SHC3: variants seen among roughly 807,000 people sequenced by gnomAD.
SHC3 encodes the protein SHC-transforming protein 3.
A neutral mutation model predicts 60.4 loss-of-function variants in SHC3; 15 were observed. That is an observed-to-expected ratio of 0.25 (90% CI 0.17 to 0.38). SHC3 has a LOEUF of 0.38. Ranked by LOEUF, SHC3 falls within the 10% of genes least tolerant of loss-of-function variation. The pLI is 1.00. For missense variants in SHC3, 677 were observed against 786.1 expected (o/e 0.86, Z 1.66); for synonymous variants, 294 against 325.9 (o/e 0.90, Z 1.05).
At chr9:89,026,471 A>G (rs1187847407) in intron 11 of SHC3, among the ~76,000 whole-genome samples, 1 of 152,124 alleles carries the variant, frequency 6.6e-6, no homozygotes, top group African/African-American at 2.4e-5. Flanking sequence ...CCTACAACCT[A>G]GAAGCCCCCT....
chr9:89,134,516 G>T (rs1332518772), intron 1 of SHC3, among the ~76,000 whole-genome samples: 1 of 152,050 alleles, frequency 6.6e-6, no homozygotes, highest in Non-Finnish European at 1.5e-5. Flanking sequence ...CCTTACAGTT[G>T]AACTGATTAA....
chr9:89,065,728 A>G (rs1825168339), intron 5 of SHC3, 148 bp from the exon 6 acceptor site: 8 of 786,890 alleles, frequency 1.0e-5, no homozygotes, highest in South Asian at 4.9e-5. Flanking sequence ...CAGCCCCCAG[A>G]AGATTCAAGC....
intron 11 of SHC3, among the ~76,000 whole-genome samples, chr9:89,033,338 C>A (rs979855035): frequency 6.6e-6 from 1 of 151,918 alleles, no homozygotes; most frequent in Non-Finnish European, 1.5e-5. Context: ...TAGATTTTAG[C>A]TTTTTGTTTT....
chr9:89,021,586 G>A (rs1229720551), intron 11 of SHC3, among the ~76,000 whole-genome samples: 1 of 152,212 alleles, frequency 6.6e-6, no homozygotes, highest in Non-Finnish European at 1.5e-5. Flanking sequence ...GCAGGAAAGT[G>A]AGCAGTGGCT....
At chr9:89,037,604 C>A (rs1303907911) in intron 11 of SHC3, 9 of 695,926 alleles carry the variant, frequency 1.3e-5, no homozygotes, top group Non-Finnish European at 2.4e-5. Flanking sequence ...AGAACAAAAT[C>A]CTCAGTGATT....
At chr9:89,015,900 G>C (rs921592015) in intron 11 of SHC3, among the ~76,000 whole-genome samples, 1 of 152,176 alleles carries the variant, frequency 6.6e-6, no homozygotes, top group African/African-American at 2.4e-5. Context: ...GCATATACTA[G>C]AAATTAAGAA....
At chr9:89,039,147 G>T (rs976137535) in intron 10 of SHC3, among the ~76,000 whole-genome samples, 1 of 152,182 alleles carries the variant, frequency 6.6e-6, no homozygotes, top group Non-Finnish European at 1.5e-5. Flanking sequence ...TTCAGACTAC[G>T]CTGTCTACCC....
chr9:89,086,461 G>C (rs977925710), intron 2 of SHC3, among the ~76,000 whole-genome samples: 7 of 152,366 alleles, frequency 4.6e-5, no homozygotes, highest in Non-Finnish European at 1.0e-4. Flanking sequence ...TAATGCATAG[G>C]ATGAAGTATG....
At chr9:89,026,143 G>T (rs1826294719) in intron 11 of SHC3, among the ~76,000 whole-genome samples, 1 of 151,424 alleles carries the variant, frequency 6.6e-6, no homozygotes, top group Admixed American at 6.6e-5. Flanking sequence ...TAATCCAGCT[G>T]CTCAGGAGGC....
chr9:89,111,736 C>A (rs1473402225), intron 2 of SHC3, among the ~76,000 whole-genome samples: 1 of 152,186 alleles, frequency 6.6e-6, no homozygotes, highest in Non-Finnish European at 1.5e-5. Flanking sequence ...AATCTTTAGA[C>A]TTGGTTTGCT....
At chr9:89,032,103 G>A (rs933624148) in intron 11 of SHC3, among the ~76,000 whole-genome samples, 12 of 152,296 alleles carry the variant, frequency 7.9e-5, no homozygotes, top group Non-Finnish European at 1.3e-4. Flanking sequence ...CAACACACAC[G>A]TGACTTGGCA....
intron 2 of SHC3, among the ~76,000 whole-genome samples, chr9:89,102,013 T>C (rs1825790531): frequency 6.6e-6 from 1 of 152,176 alleles, no homozygotes; most frequent in Non-Finnish European, 1.5e-5. Context: ...TACAGGCCTA[T>C]TCAGATTATC....
chr9:89,077,981 C>T (rs986086846), intron 2 of SHC3, 78 bp from the exon 3 acceptor site: 2 of 1,512,688 alleles, frequency 1.3e-6, no homozygotes, highest in African/African-American at 1.4e-5. Flanking sequence ...ACTTGCACAT[C>T]CAAAGAAAAT....
intron 1 of SHC3, among the ~76,000 whole-genome samples, chr9:89,174,912 G>A (rs1016064365): frequency 1.8e-4 from 28 of 152,330 alleles, no homozygotes; most frequent in Middle Eastern, 3.4e-3. Flanking sequence ...GGACAGAGAA[G>A]GTGGAGGACC....
chr9:89,148,854 A>C (rs1302424482), intron 1 of SHC3, among the ~76,000 whole-genome samples: 1 of 152,238 alleles, frequency 6.6e-6, no homozygotes, highest in Middle Eastern at 3.2e-3. Context: ...TATGAAAGGC[A>C]TACGTCACTT....
chr9:89,053,835 C>T (rs1037233000), intron 6 of SHC3, among the ~76,000 whole-genome samples: 1 of 152,116 alleles, frequency 6.6e-6, no homozygotes, highest in African/African-American at 2.4e-5. Context: ...ACAAATGCAA[C>T]CATCTTTCCA....
intron 1 of SHC3, among the ~76,000 whole-genome samples, chr9:89,150,976 G>A (rs567706719): frequency 8.0e-5 from 12 of 150,168 alleles, no homozygotes; most frequent in Admixed American, 1.3e-4. Flanking sequence ...GAGTAAAGAT[G>A]TTGAGCATCT....
intron 11 of SHC3, among the ~76,000 whole-genome samples, chr9:89,027,327 A>ATTT (rs540788767): frequency 6.9e-5 from 9 of 130,350 alleles, no homozygotes; most frequent in South Asian, 4.7e-4. Context: ...TGAAATTCTG[A>ATTT]TTTTTTTTTT....
At chr9:89,054,355 C>T (rs1266385186) in intron 6 of SHC3, among the ~76,000 whole-genome samples, 2 of 152,210 alleles carry the variant, frequency 1.3e-5, no homozygotes, top group South Asian at 2.1e-4. Context: ...TGGCACCTGG[C>T]AGAGTCCTCA....
Sources: allele counts gnomAD v4.1 joint callset (sites outside exome capture counted in the v4.1 genomes callset), GRCh38; gene constraint gnomAD v4.1.1; transcripts MANE v1.5; gene names NCBI Gene and HGNC (gene_info 2026-07-23, HGNC 2026-07-21).